Variants in MYO5B observed in about 807,000 individuals in gnomAD.
MYO5B encodes myosin VB.
MYO5B carries 143 observed loss-of-function variants against 229.3 expected under a neutral mutation model. The ratio of observed to expected loss-of-function variants is 0.62; its 90% CI spans 0.54 to 0.72. The LOEUF is 0.72. MYO5B is among the 30% of genes least tolerant of loss of function. The pLI is 0.00. For missense variants in MYO5B, 2,321 were observed against 2,331.0 expected (o/e 1.00, Z 0.09); for synonymous variants, 918 against 885.2 (o/e 1.04, Z -0.66).
intron 14 of MYO5B, among the ~76,000 whole-genome samples, chr18:49,949,115 G>A (rs1489739816): frequency 6.6e-6 from 1 of 152,154 alleles, no homozygotes; most frequent in Admixed American, 6.5e-5. Context: ...GCACTGGGAT[G>A]CCTGTCCCAT....
rs1171655158 is a variant in MYO5B, at chr18:50,032,104, G to T, written c.455+4746C>A. 2.6e-5 allele frequency among the ~76,000 whole-genome samples: 4 copies of T among 152,140 alleles called. No homozygotes were observed. In the East Asian group the frequency reaches 7.7e-4, roughly 29 times the overall value. The stretch of plus-strand genomic sequence containing the variant: ...GCTTCACCTTGTTTCTAACTTTACA[G>T]CCCAGAACACCCCTGCAGATCCATT... On this transcript the variant is annotated intron_variant, in intron 4 of 39. Transcript: ENST00000285039.
At position 50,194,837 on chromosome 18, in the gene MYO5B, C is replaced by A. The variant is rs558622478; in HGVS notation, c.-44G>T. The A allele has an allele frequency of 9.3e-6, 12 of 1,288,758 alleles. No homozygotes were observed. In the African/African-American group the frequency reaches 1.7e-4, roughly 18 times the overall value. The allele number at this position is 1,288,758 out of a possible 1,614,324, so 79.8% of individuals were successfully genotyped here. On this transcript the variant is annotated 5_prime_UTR_variant, in exon 1 of 40. Coordinates refer to ENST00000285039, the MANE Select transcript of MYO5B (RefSeq NM_001080467.3). ...CTCGGGCCCCGGCTCCTGGCTGCCC[C>A]GCGGCTCTCAGTCCGCGGCTGGCCC...
chr18:49,910,580 A>G (rs1426205455), intron 18 of MYO5B, among the ~76,000 whole-genome samples: 2 of 152,128 alleles, frequency 1.3e-5, no homozygotes, highest in African/African-American at 4.8e-5. Flanking sequence ...AAAAAAAAAA[A>G]AAGATGGCAT....
At chr18:49,857,098 G>A (rs975034658) in intron 29 of MYO5B, among the ~76,000 whole-genome samples, 3 of 152,228 alleles carry the variant, frequency 2.0e-5, no homozygotes, top group African/African-American at 7.2e-5. Flanking sequence ...TACTGTCCTG[G>A]AAGTGGGTTC....
chr18:49,936,154 G>A (rs2025246991), intron 16 of MYO5B, 98 bp downstream of exon 16: 5 of 1,000,940 alleles, frequency 5.0e-6, no homozygotes, highest in Non-Finnish European at 7.7e-6. Context: ...TGGTCATCAT[G>A]CTGAAGGCCA....
chr18:50,085,736 TA>T (rs1305030885), intron 1 of MYO5B, among the ~76,000 whole-genome samples: 3 of 152,052 alleles, frequency 2.0e-5, no homozygotes, highest in South Asian at 2.1e-4. Flanking sequence ...TATGCAGCCA[TA>T]AAAAATGATG....
chr18:49,962,923 C>T, intron 11 of MYO5B, 26 bp downstream of exon 11: 2 of 1,593,522 alleles, frequency 1.3e-6, no homozygotes, highest in Non-Finnish European at 1.7e-6. Context: ...AATCCTGGTA[C>T]CCCCAGGTCT....
intron 9 of MYO5B, among the ~76,000 whole-genome samples, chr18:49,979,417 A>T (rs1280285944): frequency 2.0e-5 from 3 of 152,170 alleles, no homozygotes; most frequent in Non-Finnish European, 4.4e-5. Flanking sequence ...TTCCCCACAG[A>T]TTGTGTATCC....
chr18:50,138,152 CT>C (rs761114482), intron 1 of MYO5B, among the ~76,000 whole-genome samples: 5 of 152,182 alleles, frequency 3.3e-5, no homozygotes, highest in African/African-American at 4.8e-5. Flanking sequence ...ACAAATACCC[CT>C]GAACCTAAAA....
chr18:50,007,081 C>A (rs557439240), intron 4 of MYO5B, among the ~76,000 whole-genome samples: 1 of 152,274 alleles, frequency 6.6e-6, no homozygotes, highest in East Asian at 1.9e-4. Flanking sequence ...CCCGTGGTAT[C>A]CTCCCTCCTC....
rs753731801 is a variant in MYO5B, at chr18:49,849,637, C to G, written c.4245G>C (p.Lys1415Asn). 1.9e-6 allele frequency: 3 copies of G among 1,613,794 alleles called. No individual in the cohort carries two copies. Among genetic ancestry groups the G allele is most frequent in the Non-Finnish European group, 2.5e-6 (3 of 1,179,884 alleles). ...TGAGCTTCCTCTCATTCTTTTCCAG[C>G]TTTTCTACCAGTTCTTTAAGGTCCT... ...ENLDLKELVE[K>N]LEKNERKLKK... The change falls in exon 32 of 40, where the codon AAG becomes AAC. Residue 1415 changes from lysine to asparagine, a missense_variant. Transcript: ENST00000285039.
chr18:50,126,921 G>T (rs1219843161), intron 1 of MYO5B, among the ~76,000 whole-genome samples: 1 of 152,154 alleles, frequency 6.6e-6, no homozygotes, highest in African/African-American at 2.4e-5. Context: ...TGACATACAG[G>T]AAGTTTTTAC....
rs1018905332 is a variant in MYO5B, at chr18:49,847,358, T to C, written c.4316-69A>G. On this transcript the variant is annotated intron_variant, in intron 32 of 39. Transcript: ENST00000285039. The stretch of plus-strand genomic sequence containing the variant: ...TGCAGGCCTGAGGGTAGCGGGCATC[T>C]CTGGCGGGTGGAGGATGGGACCTGG... 3 of 1,566,250 alleles carry C rather than the reference T, an allele frequency of 1.9e-6. No individual in the cohort carries two copies. The African/African-American group carries it at 4.1e-5, about 21-fold the overall frequency.
At chr18:50,133,433 AAG>A (rs1011582335) in intron 1 of MYO5B, among the ~76,000 whole-genome samples, 23 of 152,212 alleles carry the variant, frequency 1.5e-4, no homozygotes, top group African/African-American at 5.5e-4. Flanking sequence ...CTTCAATAGA[AAG>A]AGTGAAAGCT....
rs552655188 is a variant in MYO5B, at chr18:49,946,063, G to T, written c.1752+7197C>A. Among the ~76,000 whole-genome samples the T allele has an allele frequency of 2.6e-5, 4 of 151,982 alleles. No individual in the cohort carries two copies. In the South Asian group the frequency reaches 8.3e-4, roughly 32 times the overall value. On this transcript the variant is annotated intron_variant, in intron 14 of 39. Coordinates refer to ENST00000285039, the MANE Select transcript of MYO5B (RefSeq NM_001080467.3). The stretch of plus-strand genomic sequence containing the variant: ...TACCAATCTGCATAACTATACTATT[G>T]GGTAGTGGGGAGGGGGTTAAATTTA...
At chr18:50,017,480 T>G (rs1001125156) in intron 4 of MYO5B, among the ~76,000 whole-genome samples, 1 of 152,210 alleles carries the variant, frequency 6.6e-6, no homozygotes, top group Non-Finnish European at 1.5e-5. Context: ...CCATACTTCA[T>G]TCGTTTTTAT....
At chr18:50,054,996 C>T (rs894201718) in intron 2 of MYO5B, among the ~76,000 whole-genome samples, 1 of 152,158 alleles carries the variant, frequency 6.6e-6, no homozygotes, top group African/African-American at 2.4e-5. Context: ...CCTGTTCCCT[C>T]CACTCCACTG....
chr18:50,059,946 A>G (rs1031814992), intron 1 of MYO5B, among the ~76,000 whole-genome samples: 3 of 152,238 alleles, frequency 2.0e-5, no homozygotes, highest in African/African-American at 7.2e-5. Context: ...TGGCCAAGAA[A>G]CAGACACATG....
chr18:49,942,380 CAAAAAA>C (rs753691754), intron 14 of MYO5B, among the ~76,000 whole-genome samples: 6 of 32,744 alleles, frequency 1.8e-4, no homozygotes, highest in African/African-American at 3.9e-4. Flanking sequence ...TTCTGCACAG[CAAAAAA>C]AAAAAAAAAA....
Sources: gnomAD v4.1 joint callset for allele counts (sites outside exome capture counted in the v4.1 genomes callset) on GRCh38, gnomAD v4.1.1 for gene constraint, MANE v1.5 for transcripts, NCBI Gene and HGNC (gene_info 2026-07-23, HGNC 2026-07-21) for gene names.